FOXP1: variants seen among roughly 807,000 people sequenced by gnomAD.
FOXP1 encodes forkhead box protein P1.
A neutral mutation model predicts 98.2 loss-of-function variants in FOXP1; 15 were observed. The ratio of observed to expected loss-of-function variants is 0.15; its 90% CI spans 0.10 to 0.24. The LOEUF (loss-of-function observed/expected upper bound fraction) is 0.24, where lower values mean the gene tolerates loss of function less well. Ranked by LOEUF, FOXP1 falls within the 10% of genes least tolerant of loss-of-function variation. The pLI is 1.00. For synonymous variants in FOXP1, 371 were observed against 314.5 expected (o/e 1.18, Z -1.90); for missense variants, 633 against 848.5 (o/e 0.75, Z 3.15).
In FOXP1 at chr3:71,294,885, G is replaced by A. The variant is rs560034495; in HGVS notation, c.-12+4935C>T. Among the ~76,000 whole-genome samples the A allele has an allele frequency of 1.1e-4, 17 of 152,140 alleles. No homozygotes were observed. The East Asian group carries it at 1.9e-3, about 17-fold the overall frequency. ...CTTGCTTTGGACATCTCCATAGTGC[G>A]GCAACAACATAGCTTCAACCATATG... On this transcript the variant is annotated intron_variant, in intron 5 of 20. Transcript: ENST00000649528.
intron 5 of FOXP1, among the ~76,000 whole-genome samples, chr3:71,205,555 CAGG>C (rs2063973778): frequency 6.6e-6 from 1 of 152,024 alleles, no homozygotes; most frequent in Non-Finnish European, 1.5e-5. Context: ...TTTAGCCATA[CAGG>C]AGGATCAGGT....
intron 4 of FOXP1, among the ~76,000 whole-genome samples, chr3:71,356,871 T>A (rs1184655040): frequency 6.6e-6 from 1 of 152,156 alleles, no homozygotes; most frequent in Non-Finnish European, 1.5e-5. Flanking sequence ...GAATATATTA[T>A]TAATACAAAG....
At chr3:70,973,683 T>C (rs1450137065) in intron 17 of FOXP1, among the ~76,000 whole-genome samples, 1 of 152,144 alleles carries the variant, frequency 6.6e-6, no homozygotes, top group African/African-American at 2.4e-5. Flanking sequence ...ATTCAGGTCA[T>C]TTACTTAAAA....
At chr3:71,189,670 CTTGGTAT>C (rs1442361723) in intron 6 of FOXP1, among the ~76,000 whole-genome samples, 1 of 152,216 alleles carries the variant, frequency 6.6e-6, no homozygotes, top group East Asian at 1.9e-4. Flanking sequence ...ACTCCCACTC[CTTGGTAT>C]TTGCATACCT....
chr3:71,093,149 G>A (rs2056074133), intron 7 of FOXP1, among the ~76,000 whole-genome samples: 1 of 151,772 alleles, frequency 6.6e-6, no homozygotes, highest in South Asian at 2.1e-4. Flanking sequence ...AGCTACTTGG[G>A]AGGCTGAGGC....
At position 70,958,376 on chromosome 3, in the gene FOXP1, T is replaced by A. The variant is rs2032366382; in HGVS notation, c.*871A>T. Reference sequence around the variant, plus strand: ...TCACGTCTGTGTGAGAGGGCCTTCATGTGTAGAGTGCAGCATTTGGGACCT... The same window carrying A: ...TCACGTCTGTGTGAGAGGGCCTTCAAGTGTAGAGTGCAGCATTTGGGACCT... On this transcript the variant is annotated 3_prime_UTR_variant, in exon 21 of 21. Transcript: ENST00000649528. 5 of 528,256 alleles carry A rather than the reference T, an allele frequency of 9.5e-6. No homozygotes were observed. The East Asian group carries it at 1.6e-4, about 17-fold the overall frequency. 32.7% of individuals were successfully genotyped at this position (528,256 alleles called of 1,614,324 possible).
At chr3:71,403,191 C>A (rs979212433) in intron 3 of FOXP1, among the ~76,000 whole-genome samples, 1 of 152,208 alleles carries the variant, frequency 6.6e-6, no homozygotes, top group South Asian at 2.1e-4. Flanking sequence ...ACAAAATCCT[C>A]ATGTGTTCAT....
chr3:71,063,956 G>A (rs759750010), intron 7 of FOXP1, among the ~76,000 whole-genome samples: 10 of 152,146 alleles, frequency 6.6e-5, no homozygotes, highest in Non-Finnish European at 1.0e-4. Flanking sequence ...GGGGTAAAAA[G>A]TCCCGTTTCC....
intron 3 of FOXP1, among the ~76,000 whole-genome samples, chr3:71,412,861 A>C (rs901036997): frequency 1.3e-5 from 2 of 152,162 alleles, no homozygotes; most frequent in Admixed American, 6.5e-5. Flanking sequence ...TTTGGGGGTG[A>C]ATATGTTTGT....
intron 3 of FOXP1, among the ~76,000 whole-genome samples, chr3:71,462,549 G>C (rs942476508): frequency 6.6e-6 from 1 of 152,134 alleles, no homozygotes; most frequent in African/African-American, 2.4e-5. Context: ...AACTTTCTAA[G>C]ACAGAATAAA....
intron 2 of FOXP1, among the ~76,000 whole-genome samples, chr3:71,501,293 CTTTTT>C (rs763654842): frequency 7.7e-6 from 1 of 129,720 alleles, no homozygotes; most frequent in African/African-American, 2.9e-5. Flanking sequence ...AAATGCTTTT[CTTTTT>C]TTTTTTTTTT....
intron 4 of FOXP1, among the ~76,000 whole-genome samples, chr3:71,312,821 A>G (rs1477675309): frequency 6.9e-5 from 3 of 43,394 alleles, no homozygotes; most frequent in Non-Finnish European, 1.8e-4. Flanking sequence ...CCTTATCTCT[A>G]CCAAAAAATA....
chr3:71,546,886 G>A (rs2045403837), intron 2 of FOXP1, among the ~76,000 whole-genome samples: 1 of 152,146 alleles, frequency 6.6e-6, no homozygotes, highest in African/African-American at 2.4e-5. Flanking sequence ...AAATAAAACT[G>A]AAGGGTCAAT....
rs9855825 is a variant in FOXP1 at position 71,198,425 on chromosome 3, A to T, written c.-11-33T>A. On this transcript the variant is annotated intron_variant, in intron 5 of 20. Coordinates refer to ENST00000649528, the MANE Select transcript of FOXP1 (RefSeq NM_001349338.3). Reference sequence around the variant, plus strand: ...AAGGATTTCCAAGATGGGGGGAGGGAGGGGGGGAGAAAAAAAAAGCAGCTG... The same window carrying T: ...AAGGATTTCCAAGATGGGGGGAGGGTGGGGGGGAGAAAAAAAAAGCAGCTG... 0.7 allele frequency: 372,407 copies of T among 528,704 alleles called. 121,289 individuals carry two copies. Among genetic ancestry groups the T allele is most frequent in the East Asian group, 0.81 (18,210 of 22,556 alleles). 32.8% of individuals were successfully genotyped at this position (528,704 alleles called of 1,614,324 possible). A position where few individuals can be genotyped will look rare whatever the true frequency, so the allele number is the denominator to read the frequency against.
intron 13 of FOXP1, among the ~76,000 whole-genome samples, chr3:70,990,206 TA>T (rs2040393190): frequency 1.3e-5 from 2 of 152,234 alleles, no homozygotes; most frequent in Non-Finnish European, 2.9e-5. Flanking sequence ...TAGTGAAAAC[TA>T]ATGTGTAGTA....
intron 3 of FOXP1, among the ~76,000 whole-genome samples, chr3:71,471,257 A>C (rs1029229760): frequency 1.3e-5 from 2 of 151,032 alleles, no homozygotes; most frequent in Admixed American, 6.6e-5. Context: ...TATATATATA[A>C]ATTATATAGT....
chr3:71,229,506 C>A (rs964853224), intron 5 of FOXP1, among the ~76,000 whole-genome samples: 2 of 152,078 alleles, frequency 1.3e-5, no homozygotes, highest in African/African-American at 2.4e-5. Flanking sequence ...AAGCGTAACC[C>A]TATGGAGTGT....
intron 3 of FOXP1, among the ~76,000 whole-genome samples, chr3:71,435,921 A>G (rs1457662728): frequency 5.3e-4 from 22 of 41,644 alleles, no homozygotes; most frequent in African/African-American, 1.7e-3. Flanking sequence ...GGGAGGGAGG[A>G]AGGGACGGAG....
intron 3 of FOXP1, among the ~76,000 whole-genome samples, chr3:71,478,401 A>T (rs2090018926): frequency 1.3e-5 from 2 of 152,198 alleles, no homozygotes; most frequent in Non-Finnish European, 2.9e-5. Context: ...GGCCACCATG[A>T]ACTCTCTCTT....
Sources: gnomAD v4.1 joint callset for allele counts (sites outside exome capture counted in the v4.1 genomes callset) on GRCh38, gnomAD v4.1.1 for gene constraint, MANE v1.5 for transcripts, NCBI Gene and HGNC (gene_info 2026-07-23, HGNC 2026-07-21) for gene names.